ENTREP1: variants seen among roughly 807,000 people sequenced by gnomAD.
The protein encoded by ENTREP1 is Friedreich ataxia region gene X123.
chr9:69,372,866 G>A, the ENTREP1 span, among the ~76,000 whole-genome samples: 2 of 151,456 alleles, frequency 1.3e-5, no homozygotes, highest in Non-Finnish European at 2.9e-5. Context: ...TTTTTAAAGT[G>A]GCCATTCTAA....
the ENTREP1 span, among the ~76,000 whole-genome samples, chr9:69,385,069 C>T: frequency 2.6e-5 from 4 of 151,900 alleles, no homozygotes; most frequent in African/African-American, 4.8e-5. Flanking sequence ...CTACAGGCAC[C>T]GCCACCATGC....
At chr9:69,325,002 G>T in the ENTREP1 span, 1 of 985,374 alleles carries the variant, frequency 1.0e-6, no homozygotes, top group Non-Finnish European at 1.2e-6. Context: ...GTTCGGCGGG[G>T]ACCCTGAGGC....
chr9:69,325,426 C>T, the ENTREP1 span: 3 of 980,508 alleles, frequency 3.1e-6, no homozygotes, highest in Middle Eastern at 5.1e-4. Flanking sequence ...CGCCGCTGCC[C>T]CCGCTGCGGC....
chr9:69,364,034 G>C, the ENTREP1 span, among the ~76,000 whole-genome samples: 5 of 152,172 alleles, frequency 3.3e-5, no homozygotes, highest in African/African-American at 1.2e-4. Flanking sequence ...CATAAATTCA[G>C]ATGTCACAAG....
the ENTREP1 span, among the ~76,000 whole-genome samples, chr9:69,378,959 C>T: frequency 1.3e-5 from 2 of 152,044 alleles, no homozygotes; most frequent in Non-Finnish European, 1.5e-5. Flanking sequence ...AGAGAAGGTA[C>T]ACCTAACCCA....
the ENTREP1 span, among the ~76,000 whole-genome samples, chr9:69,370,135 C>T: frequency 6.6e-5 from 10 of 151,908 alleles, no homozygotes; most frequent in Admixed American, 2.6e-4. Flanking sequence ...TTTTTATTGG[C>T]GTACTGATGG....
the ENTREP1 span, chr9:69,377,331 G>A: frequency 2.7e-6 from 3 of 1,113,944 alleles, no homozygotes; most frequent in African/African-American, 1.5e-5. Flanking sequence ...GGTGATGTTT[G>A]TTGAAGTACT....
At chr9:69,354,833 T>C in the ENTREP1 span, among the ~76,000 whole-genome samples, 1 of 152,206 alleles carries the variant, frequency 6.6e-6, no homozygotes, top group African/African-American at 2.4e-5. Context: ...CTTGGATAAC[T>C]TGAATCTTTT....
chr9:69,338,919 AGAT>A, the ENTREP1 span, among the ~76,000 whole-genome samples: 19 of 152,252 alleles, frequency 1.2e-4, no homozygotes, highest in Admixed American at 7.9e-4. Flanking sequence ...TTTATAAAGA[AGAT>A]AAATTAATTT....
the ENTREP1 span, among the ~76,000 whole-genome samples, chr9:69,358,261 G>C: frequency 6.6e-6 from 1 of 152,208 alleles, no homozygotes; most frequent in African/African-American, 2.4e-5. Flanking sequence ...AAGCAATGGT[G>C]GTAGCCATTT....
the ENTREP1 span, among the ~76,000 whole-genome samples, chr9:69,353,860 T>A: frequency 6.6e-6 from 1 of 152,176 alleles, no homozygotes; most frequent in Non-Finnish European, 1.5e-5. Context: ...TTATATGTTA[T>A]TGTTGTTCTT....
At chr9:69,340,787 G>A in the ENTREP1 span, among the ~76,000 whole-genome samples, 4 of 113,822 alleles carry the variant, frequency 3.5e-5, no homozygotes, top group African/African-American at 1.4e-4. Context: ...ATGTGTGTGT[G>A]CATGTGTGTG....
At chr9:69,391,681 G>A in the ENTREP1 span, 1 of 1,614,116 alleles carries the variant, frequency 6.2e-7, no homozygotes, top group South Asian at 1.1e-5. Context: ...TGCACCTCCA[G>A]AGCTGCGGCG....
chr9:69,370,832 G>T, the ENTREP1 span, among the ~76,000 whole-genome samples: 2 of 152,022 alleles, frequency 1.3e-5, no homozygotes, highest in Non-Finnish European at 2.9e-5. Context: ...ATAAGATTTT[G>T]ATTTTCTTAA....
chr9:69,325,228 C>T, the ENTREP1 span: 1 of 1,056,222 alleles, frequency 9.5e-7, no homozygotes, highest in African/African-American at 1.7e-5. Context: ...GCCCAGTGTG[C>T]TGCGCCTTCG....
At chr9:69,338,070 A>G in the ENTREP1 span, among the ~76,000 whole-genome samples, 2 of 152,220 alleles carry the variant, frequency 1.3e-5, no homozygotes, top group Non-Finnish European at 2.9e-5. Context: ...GGCCCACAAG[A>G]TGACATAGGC....
the ENTREP1 span, among the ~76,000 whole-genome samples, chr9:69,349,329 A>G: frequency 6.6e-6 from 1 of 152,140 alleles, no homozygotes; most frequent in African/African-American, 2.4e-5. Context: ...TGGTAACTAC[A>G]TGTTTAACGT....
At chr9:69,384,078 C>A in the ENTREP1 span, 2 of 1,388,024 alleles carry the variant, frequency 1.4e-6, no homozygotes, top group Non-Finnish European at 2.0e-6. Flanking sequence ...ATAAAATAGG[C>A]TGGGCAAGGT....
the ENTREP1 span, among the ~76,000 whole-genome samples, chr9:69,333,629 A>G: frequency 1.2e-4 from 18 of 152,334 alleles, no homozygotes; most frequent in South Asian, 4.1e-4. Flanking sequence ...AATAGAAAAA[A>G]TACATTCCAA....
Sources: allele counts gnomAD v4.1 joint callset (sites outside exome capture counted in the v4.1 genomes callset), GRCh38; gene constraint gnomAD v4.1.1; transcripts MANE v1.5; gene names NCBI Gene and HGNC (gene_info 2026-07-23, HGNC 2026-07-21).